Variants in HIBADH observed in about 807,000 individuals in gnomAD.
HIBADH encodes the protein 3-hydroxyisobutyrate dehydrogenase, mitochondrial.
A neutral mutation model predicts 36.1 loss-of-function variants in HIBADH; 25 were observed. The observed-to-expected ratio is 0.69, with a 90% confidence interval of 0.50 to 0.97. HIBADH has a LOEUF of 0.97. HIBADH is among the 50% of genes least tolerant of loss of function. The probability of loss-of-function intolerance (pLI) is 0.00; values close to 1 mark genes in which losing one functional copy is unlikely to be tolerated. For missense variants in HIBADH, 421 were observed against 418.0 expected (o/e 1.01, Z -0.06); for synonymous variants, 160 against 149.5 (o/e 1.07, Z -0.51).
At chr7:27,547,227 T>TC in intron 4 of HIBADH, among the ~76,000 whole-genome samples, 1 of 152,302 alleles carries the variant, frequency 6.6e-6, no homozygotes, top group African/African-American at 2.4e-5. Flanking sequence ...AACTTGCTAT[T>TC]CCTTTTGCCT....
intron 4 of HIBADH, among the ~76,000 whole-genome samples, chr7:27,622,029 A>G (rs1785554038): frequency 1.3e-5 from 2 of 152,196 alleles, no homozygotes; most frequent in South Asian, 4.1e-4. Context: ...CCAAGGTAGG[A>G]GGATCACTTG....
At chr7:27,557,123 G>A (rs192433190) in intron 4 of HIBADH, among the ~76,000 whole-genome samples, 8 of 146,604 alleles carry the variant, frequency 5.5e-5, no homozygotes, top group South Asian at 2.2e-4. Flanking sequence ...CTGAACAACA[G>A]AGTGAGACCC....
At chr7:27,646,462 G>C (rs889561224) in intron 2 of HIBADH, among the ~76,000 whole-genome samples, 9 of 152,076 alleles carry the variant, frequency 5.9e-5, no homozygotes, top group African/African-American at 1.9e-4. Context: ...ACTCCCAGTG[G>C]ATGCCTGAAA....
intron 1 of HIBADH, among the ~76,000 whole-genome samples, 196 bp downstream of exon 1, chr7:27,662,502 G>A (rs940031091): frequency 1.3e-5 from 2 of 152,212 alleles, no homozygotes; most frequent in Non-Finnish European, 2.9e-5. Context: ...GAGAAAGGGA[G>A]GGAAGGCAGA....
At chr7:27,548,665 C>G (rs1263807334) in intron 4 of HIBADH, among the ~76,000 whole-genome samples, 1 of 152,092 alleles carries the variant, frequency 6.6e-6, no homozygotes, top group Non-Finnish European at 1.5e-5. Context: ...ATGACCATCA[C>G]AGACAGTCCA....
rs149281515 is a variant in HIBADH at position 27,612,113 on chromosome 7, T to C, written c.484+17258A>G. ...AGTATCTTTAAAGCCTTATCCCTAG[T>C]GCCTTCTTTGTATGAACTGGAAAAT... On this transcript the variant is annotated intron_variant, in intron 4 of 7. Coordinates refer to ENST00000265395, the MANE Select transcript of HIBADH (RefSeq NM_152740.4). Among the ~76,000 whole-genome samples the C allele has an allele frequency of 3.9e-3, 590 of 152,298 alleles. 2 individuals carry two copies. Among genetic ancestry groups the C allele is most frequent in the Middle Eastern group, 0.02 (6 of 294 alleles).
chr7:27,538,294 G>A, intron 6 of HIBADH, 47 bp downstream of exon 6: 1 of 1,374,168 alleles, frequency 7.3e-7, no homozygotes, highest in Non-Finnish European at 1.0e-6. Flanking sequence ...AAATCAAATA[G>A]GAAAGCCTAT....
chr7:27,581,258 A>C (rs1307616305), intron 4 of HIBADH, among the ~76,000 whole-genome samples: 2 of 152,180 alleles, frequency 1.3e-5, no homozygotes, highest in African/African-American at 4.8e-5. Context: ...AATGCAGAGC[A>C]AATGAACAGT....
intron 4 of HIBADH, among the ~76,000 whole-genome samples, chr7:27,619,979 T>C (rs1785508637): frequency 6.6e-6 from 1 of 152,184 alleles, no homozygotes; most frequent in African/African-American, 2.4e-5. Context: ...CCCAGAAAGA[T>C]ACAATGCTAA....
intron 4 of HIBADH, among the ~76,000 whole-genome samples, chr7:27,550,077 T>G (rs920698092): frequency 6.6e-6 from 1 of 151,936 alleles, no homozygotes; most frequent in African/African-American, 2.4e-5. Context: ...CTAGCTAAAT[T>G]TTTTTGTATT....
At chr7:27,637,858 A>G (rs1785869189) in intron 2 of HIBADH, among the ~76,000 whole-genome samples, 1 of 152,210 alleles carries the variant, frequency 6.6e-6, no homozygotes, top group African/African-American at 2.4e-5. Flanking sequence ...AAAGAATAAA[A>G]TACAGGAATA....
At chr7:27,610,958 A>G (rs1785311125) in intron 4 of HIBADH, among the ~76,000 whole-genome samples, 1 of 152,184 alleles carries the variant, frequency 6.6e-6, no homozygotes, top group Non-Finnish European at 1.5e-5. Context: ...ACAATAATGA[A>G]GTCTATATGA....
In HIBADH at chr7:27,531,237, C is replaced by T. The variant is rs147714836; in HGVS notation, c.807G>A (p.Ser269=). ...CAAATCCACCCTGATAGTTATTAGC[C>T]GAGGGAACGCCATCCATCACTCCAG... The part of the protein sequence containing the change: ...PVPGVMDGVP[S]ANNYQGGFGT... The change falls in exon 7 of 8, where the codon TCG becomes TCA. Residue 269 remains serine, a synonymous_variant. Coordinates refer to ENST00000265395, the MANE Select transcript of HIBADH (RefSeq NM_152740.4). The T allele has an allele frequency of 2.8e-4, 445 of 1,613,850 alleles. No homozygotes were observed. In the African/African-American group the frequency reaches 4.8e-3, roughly 18 times the overall value.
chr7:27,641,447 C>T (rs1023521716), intron 2 of HIBADH, among the ~76,000 whole-genome samples: 5 of 152,124 alleles, frequency 3.3e-5, no homozygotes, highest in Admixed American at 6.5e-5. Flanking sequence ...CTCAAATATA[C>T]GCTGAATTTT....
chr7:27,563,711 T>A (rs1784499855), intron 4 of HIBADH, among the ~76,000 whole-genome samples: 1 of 152,208 alleles, frequency 6.6e-6, no homozygotes, highest in African/African-American at 2.4e-5. Context: ...TTTGGTGACA[T>A]GTCTGTTGAA....
chr7:27,648,642 T>C (rs1348199532), intron 2 of HIBADH, among the ~76,000 whole-genome samples: 1 of 152,186 alleles, frequency 6.6e-6, no homozygotes, highest in Non-Finnish European at 1.5e-5. Flanking sequence ...ATTTCCCTCA[T>C]ATCTAGAAAA....
chr7:27,562,036 G>T lies in HIBADH; in HGVS notation c.485-18936C>A, dbSNP rs191115424. Among the ~76,000 whole-genome samples, 312 of 152,142 alleles carry T rather than the reference G, an allele frequency of 2.1e-3. 1 individual carries two copies. The highest frequency in any genetic ancestry group is 7.2e-3 in the African/African-American group (300 of 41,542). ...GTGTCTTATAAATAAGATTCAGCAGGAGTTTTCAAAAATCCAACATGATAA... is the reference window on the plus strand; with the variant it reads ...GTGTCTTATAAATAAGATTCAGCAGTAGTTTTCAAAAATCCAACATGATAA... On this transcript the variant is annotated intron_variant, in intron 4 of 7. Coordinates refer to ENST00000265395, the MANE Select transcript of HIBADH (RefSeq NM_152740.4).
chr7:27,543,005 A>G lies in HIBADH; in HGVS notation c.580T>C (p.Ser194Pro), dbSNP rs746083478. Residue 194 changes from serine to proline, a missense_variant, in exon 5 of 8, where the codon TCC (serine) becomes CCC (proline). Ser to Pro is a moderately conservative substitution (Grantham distance 74, BLOSUM62 -1). Transcript: ENST00000265395. ...ACAGCTCCACAGTACACCACGTTGG[A>G]GCCCATGCACCCCAGCAACTCTTGG... ...AAQELLGCMG[S>P]NVVYCGAVGT... The G allele has an allele frequency of 3.1e-6, 5 of 1,613,838 alleles. No homozygotes were observed. The highest frequency in any genetic ancestry group is 1.3e-5 in the African/African-American group (1 of 75,014).
chr7:27,565,966 A>G (rs1784542691), intron 4 of HIBADH, among the ~76,000 whole-genome samples: 1 of 152,142 alleles, frequency 6.6e-6, no homozygotes, highest in African/African-American at 2.4e-5. Context: ...TCTTTAGACT[A>G]TTAATATTAC....
Sources: allele counts gnomAD v4.1 joint callset (sites outside exome capture counted in the v4.1 genomes callset), GRCh38; gene constraint gnomAD v4.1.1; transcripts MANE v1.5; gene names NCBI Gene and HGNC (gene_info 2026-07-23, HGNC 2026-07-21).